Variants in GDA observed in about 807,000 individuals in gnomAD.
GDA encodes cytoplasmic PSD-95 interactor.
Under a neutral mutation model 59.6 loss-of-function variants are expected in GDA, and 18 were observed. The observed-to-expected ratio is 0.30, with a 90% CI of 0.21 to 0.45. The LOEUF (loss-of-function observed/expected upper bound fraction) is 0.45. GDA is among the 20% of genes least tolerant of loss of function. GDA has a pLI of 1.00. For synonymous variants in GDA, 201 were observed against 201.1 expected (o/e 1.00, Z 0.00); for missense variants, 427 against 552.3 (o/e 0.77, Z 2.27).
At chr9:72,167,714 A>G (rs1829486003) in intron 1 of GDA, among the ~76,000 whole-genome samples, 1 of 152,230 alleles carries the variant, frequency 6.6e-6, no homozygotes, top group African/African-American at 2.4e-5. Context: ...TGTGTGTTCA[A>G]GAGCAGCACA....
chr9:72,134,487 T>A (rs984629154), intron 1 of GDA, among the ~76,000 whole-genome samples: 1 of 150,944 alleles, frequency 6.6e-6, no homozygotes, highest in Non-Finnish European at 1.5e-5. Flanking sequence ...CTGCAACCTC[T>A]GCCTCCTGGG....
Position 72,225,836 on chromosome 9 carries a change from A to G in GDA, c.822+52A>G, listed in dbSNP as rs1837489245. ...GTTTAAAGGAGGGCATATTTATCTC[A>G]ATTTTAAAATCTCAATAGTAATCTT... On this transcript the variant is annotated intron_variant, in intron 8 of 13. Coordinates refer to ENST00000358399, the MANE Select transcript of GDA (RefSeq NM_004293.5). The G allele has an allele frequency of 7.1e-6, 5 of 706,364 alleles. No individual in the cohort carries two copies. The African/African-American group carries it at 7.2e-5, about 10-fold the overall frequency. 43.8% of individuals were successfully genotyped at this position (706,364 alleles called of 1,614,324 possible). A position where few individuals can be genotyped will look rare whatever the true frequency, so the allele number is the denominator to read the frequency against.
chr9:72,129,167 T>A (rs1006398506), intron 1 of GDA, among the ~76,000 whole-genome samples: 3 of 152,220 alleles, frequency 2.0e-5, no homozygotes, highest in Non-Finnish European at 4.4e-5. Context: ...TTTGCCATGT[T>A]GACTAGGCTG....
intron 1 of GDA, among the ~76,000 whole-genome samples, chr9:72,164,881 T>C (rs1829091776): frequency 1.3e-5 from 2 of 151,732 alleles, no homozygotes; most frequent in African/African-American, 2.4e-5. Flanking sequence ...TCCCAGCTAC[T>C]TTGGAGGCTG....
At chr9:72,180,806 CA>C (rs1831105253) in intron 1 of GDA, among the ~76,000 whole-genome samples, 1 of 152,150 alleles carries the variant, frequency 6.6e-6, no homozygotes, top group Non-Finnish European at 1.5e-5. Context: ...ATTTGCATCC[CA>C]AAGTGATTCA....
intron 2 of GDA, among the ~76,000 whole-genome samples, chr9:72,200,239 G>A (rs1037651621): frequency 1.1e-4 from 17 of 151,976 alleles, no homozygotes; most frequent in East Asian, 1.9e-4. Context: ...CTCGTGATCT[G>A]CCCGCCTTGG....
chr9:72,248,618 GT>G lies in GDA; in HGVS notation c.*277del. ...CAAACAGAAGGGAATGCTATTACTG[GT>G]GGTGTTCCTACGGTAAGACTTAAGC... On this transcript the variant is annotated 3_prime_UTR_variant, in exon 14 of 14. Coordinates refer to ENST00000358399, the MANE Select transcript of GDA (RefSeq NM_004293.5). 1 of 1,201,390 alleles carries G rather than the reference GT, an allele frequency of 8.3e-7. No individual in the cohort carries two copies. Among genetic ancestry groups the G allele is most frequent in the Non-Finnish European group, 1.0e-6 (1 of 964,250 alleles). The allele number at this position is 1,201,390 out of a possible 1,614,324, so 74.4% of individuals were successfully genotyped here.
chr9:72,177,837 T>C (rs781357916), intron 1 of GDA, among the ~76,000 whole-genome samples: 39 of 152,254 alleles, frequency 2.6e-4, no homozygotes, highest in Admixed American at 1.0e-3. Context: ...CACATTTATG[T>C]TGACAAGTTC....
At chr9:72,188,782 G>A (rs1832158219) in intron 1 of GDA, among the ~76,000 whole-genome samples, 1 of 152,174 alleles carries the variant, frequency 6.6e-6, no homozygotes, top group South Asian at 2.1e-4. Flanking sequence ...GGAGCTACTA[G>A]CATGCAACCT....
intron 1 of GDA, among the ~76,000 whole-genome samples, chr9:72,167,345 C>T (rs1829437270): frequency 6.6e-6 from 1 of 152,078 alleles, no homozygotes; most frequent in Non-Finnish European, 1.5e-5. Flanking sequence ...ACTGATCTCC[C>T]ATCTCCTTAG....
intron 1 of GDA, among the ~76,000 whole-genome samples, chr9:72,178,413 A>ATTTT (rs145032320): frequency 1.7e-4 from 20 of 117,146 alleles, no homozygotes; most frequent in African/African-American, 5.2e-4. Flanking sequence ...TGGAATCGAT[A>ATTTT]TTTTTTTTTT....
At chr9:72,143,654 T>C (rs1826522092) in intron 1 of GDA, among the ~76,000 whole-genome samples, 1 of 152,194 alleles carries the variant, frequency 6.6e-6, no homozygotes, top group Non-Finnish European at 1.5e-5. Flanking sequence ...TTTCCCTTTT[T>C]CTATAAAATT....
chr9:72,145,369 A>G (rs1322895902), upstream of GDA, among the ~76,000 whole-genome samples: 1 of 152,234 alleles, frequency 6.6e-6, no homozygotes, highest in Non-Finnish European at 1.5e-5. Context: ...TCAAGATCCA[A>G]GTCCATCCTA....
intron 6 of GDA, 33 bp downstream of exon 6, chr9:72,219,539 T>C (rs1459223224): frequency 6.5e-7 from 1 of 1,540,514 alleles, no homozygotes; most frequent in East Asian, 2.3e-5. Flanking sequence ...CGCTTTTAGA[T>C]TGCCTTTGCA....
intron 1 of GDA, among the ~76,000 whole-genome samples, chr9:72,189,471 C>T (rs748839813): frequency 2.6e-5 from 4 of 152,110 alleles, no homozygotes; most frequent in Non-Finnish European, 5.9e-5. Flanking sequence ...AGCCACCACG[C>T]CTGACCTGAG....
chr9:72,236,843 G>A (rs963610428), intron 10 of GDA, among the ~76,000 whole-genome samples: 5 of 143,512 alleles, frequency 3.5e-5, no homozygotes, highest in African/African-American at 7.8e-5. Flanking sequence ...GCAGTGGCAC[G>A]ATCTCAGCCC....
intron 1 of GDA, among the ~76,000 whole-genome samples, chr9:72,156,633 G>T (rs558431684): frequency 6.6e-6 from 1 of 152,310 alleles, no homozygotes; most frequent in South Asian, 2.1e-4. Flanking sequence ...TACCCACTCA[G>T]CAGTCATGAC....
intron 12 of GDA, 122 bp downstream of exon 12, chr9:72,245,400 A>G (rs1840037881): frequency 3.0e-6 from 2 of 675,064 alleles, no homozygotes; most frequent in South Asian, 3.6e-5. Flanking sequence ...CTTAAAATGG[A>G]CGCTAGAGCC....
chr9:72,132,116 G>C (rs991305716), intron 1 of GDA, among the ~76,000 whole-genome samples: 5 of 152,038 alleles, frequency 3.3e-5, no homozygotes, highest in Non-Finnish European at 5.9e-5. Context: ...CTCCCACTGG[G>C]TTCCTCCTGT....
Sources: gnomAD v4.1 joint callset for allele counts (sites outside exome capture counted in the v4.1 genomes callset) on GRCh38, gnomAD v4.1.1 for gene constraint, MANE v1.5 for transcripts, NCBI Gene and HGNC (gene_info 2026-07-23, HGNC 2026-07-21) for gene names.